Variants in KATNIP observed in about 807,000 individuals in gnomAD.
The protein encoded by KATNIP is katanin interacting protein.
Under a neutral mutation model 174.0 loss-of-function variants are expected in KATNIP, and 126 were observed. The observed-to-expected ratio is 0.72, with a 90% CI of 0.63 to 0.84. The LOEUF (loss-of-function observed/expected upper bound fraction) is 0.84, where lower values mean the gene tolerates loss of function less well. KATNIP is among the 40% of genes least tolerant of loss of function. KATNIP has a pLI of 0.00. For synonymous variants in KATNIP, 810 were observed against 835.7 expected (o/e 0.97, Z 0.53); for missense variants, 1,958 against 2,109.7 (o/e 0.93, Z 1.41).
intron 20 of KATNIP, 93 bp downstream of exon 20, chr16:27,766,567 T>C: frequency 7.5e-7 from 1 of 1,338,880 alleles, no homozygotes; most frequent in East Asian, 2.4e-5. Context: ...GGAGCATAAA[T>C]CCTCCAGAAT....
chr16:27,778,273 G>A (rs760638414), intron 27 of KATNIP, among the ~76,000 whole-genome samples: 1 of 152,220 alleles, frequency 6.6e-6, no homozygotes, highest in Non-Finnish European at 1.5e-5. Context: ...GCCCCGGGCC[G>A]TGGGAAACCA....
At chr16:27,556,470 A>G (rs1047565892) in intron 1 of KATNIP, among the ~76,000 whole-genome samples, 1 of 152,218 alleles carries the variant, frequency 6.6e-6, no homozygotes, top group South Asian at 2.1e-4. Flanking sequence ...AGTTCAGCAC[A>G]TTGATATAAT....
intron 1 of KATNIP, among the ~76,000 whole-genome samples, chr16:27,555,606 A>G (rs2089588360): frequency 6.7e-6 from 1 of 149,982 alleles, no homozygotes; most frequent in Non-Finnish European, 1.5e-5. Context: ...AGGCCGAGGC[A>G]GGCAGATCAC....
At chr16:27,767,697 C>G (rs1342805122) in intron 20 of KATNIP, among the ~76,000 whole-genome samples, 3 of 152,142 alleles carry the variant, frequency 2.0e-5, no homozygotes, top group African/African-American at 7.2e-5. Flanking sequence ...GGTGACAGAG[C>G]AAGACACCAT....
rs1168898085 is a variant in KATNIP, at chr16:27,780,325, A to C, written c.*1696A>C. 1 of 152,124 alleles carries C rather than the reference A, an allele frequency of 6.6e-6. No individual in the cohort carries two copies. The highest frequency in any genetic ancestry group is 2.4e-5 in the African/African-American group (1 of 41,440). The allele number at this position is 152,124 out of a possible 1,614,324, so 9.4% of individuals were successfully genotyped here. ...AGCTTTAACTCTAAAATAAATTTCT[A>C]TTTTTTTCCTCTTGCAAAATTAATA... On this transcript the variant is annotated 3_prime_UTR_variant, in exon 28 of 28. Coordinates refer to ENST00000261588, the MANE Select transcript of KATNIP (RefSeq NM_015202.5).
rs915369536 is a variant in KATNIP, at chr16:27,704,131, CT to C, written c.1389+134del. 1.0e-4 allele frequency: 69 copies of C among 680,156 alleles called. No homozygotes were observed. The East Asian group carries it at 1.2e-3, about 12-fold the overall frequency. 42.1% of individuals were successfully genotyped at this position (680,156 alleles called of 1,614,324 possible). A position where few individuals can be genotyped will look rare whatever the true frequency, so the allele number is the denominator to read the frequency against. On this transcript the variant is annotated intron_variant, in intron 12 of 27. Coordinates refer to ENST00000261588, the MANE Select transcript of KATNIP (RefSeq NM_015202.5). ...TGCCTGTGTTTCCACCGCCCCCCCC[CT>C]CCCTGGCACACAGAGGTATATATGA...
At chr16:27,763,999 A>C (rs560160407) in intron 19 of KATNIP, among the ~76,000 whole-genome samples, 23 of 152,356 alleles carry the variant, frequency 1.5e-4, no homozygotes, top group African/African-American at 5.5e-4. Flanking sequence ...CCCTGGGGAC[A>C]TACAGAATAG....
chr16:27,631,125 C>A lies in KATNIP; in HGVS notation c.371C>A (p.Thr124Lys). 2 of 1,576,872 alleles carry A rather than the reference C, an allele frequency of 1.3e-6. No homozygotes were observed. Among genetic ancestry groups the A allele is most frequent in the Non-Finnish European group, 1.7e-6 (2 of 1,160,130 alleles). Residue 124 changes from threonine (T) to lysine (K), a missense_variant, in exon 5 of 28, where the codon ACA becomes AAA. Around this residue, in one of 3 missense-constraint regions of KATNIP, gnomAD observed 1,557 missense variants for 1,617.8 expected, o/e 0.96. Coordinates refer to ENST00000261588, the MANE Select transcript of KATNIP (RefSeq NM_015202.5). ...GAAGCCTTAAGACGCAGTTCACGGA[C>A]AGCCCCCAGTAAAGTCCAGCGCCGA... ...AEEALRRSSRTAPSKVQRRGW... is the reference protein window; with the variant it reads ...AEEALRRSSRKAPSKVQRRGW...
Position 27,778,863 on chromosome 16 carries a change from G to A in KATNIP, c.*234G>A, listed in dbSNP as rs139192159. ...TGCAGTTCTGGGTTGGCCACAGGGA[G>A]CCCAGGACACCCGCCTTCATGCCTC... is the stretch of plus-strand genomic sequence containing the variant. On this transcript the variant is annotated 3_prime_UTR_variant, in exon 28 of 28. Transcript: ENST00000261588. 232 of 470,194 alleles carry A rather than the reference G, an allele frequency of 4.9e-4. 2 individuals are homozygous for A. The highest frequency in any genetic ancestry group is 3.3e-3 in the African/African-American group (163 of 50,090). 29.1% of individuals were successfully genotyped at this position (470,194 alleles called of 1,614,324 possible). A position where few individuals can be genotyped will look rare whatever the true frequency, so the allele number is the denominator to read the frequency against.
chr16:27,598,208 C>T (rs2075399991), intron 2 of KATNIP, among the ~76,000 whole-genome samples: 1 of 150,040 alleles, frequency 6.7e-6, no homozygotes, highest in Non-Finnish European at 1.5e-5. Context: ...GCCACCATTG[C>T]ACTGCAGCCT....
intron 1 of KATNIP, among the ~76,000 whole-genome samples, 170 bp downstream of exon 1, chr16:27,550,347 A>G (rs1023900718): frequency 2.6e-5 from 4 of 152,150 alleles, no homozygotes; most frequent in Non-Finnish European, 5.9e-5. Context: ...CGCGGAGGAG[A>G]GCCTGGGGGA....
intron 16 of KATNIP, among the ~76,000 whole-genome samples, chr16:27,750,565 A>G (rs1404307298): frequency 6.9e-6 from 1 of 144,568 alleles, no homozygotes; most frequent in East Asian, 2.0e-4. Flanking sequence ...GACTACAGGC[A>G]CCCGCCAACA....
At chr16:27,670,622 T>C (rs2077861838) in intron 6 of KATNIP, among the ~76,000 whole-genome samples, 1 of 152,212 alleles carries the variant, frequency 6.6e-6, no homozygotes, top group Non-Finnish European at 1.5e-5. Flanking sequence ...CGAGTGCTGC[T>C]GTTTGTCATT....
chr16:27,598,542 G>T (rs1167977657), intron 2 of KATNIP, among the ~76,000 whole-genome samples: 5 of 152,108 alleles, frequency 3.3e-5, no homozygotes, highest in Admixed American at 2.6e-4. Context: ...TTAAAATTGG[G>T]GCCTGTGACC....
chr16:27,775,143 C>G, intron 24 of KATNIP, 59 bp downstream of exon 24: 1 of 1,564,770 alleles, frequency 6.4e-7, no homozygotes, highest in Non-Finnish European at 8.6e-7. Context: ...GGGGGACTTT[C>G]TTTCCCTGGT....
chr16:27,738,303 G>A (rs1330960399), intron 14 of KATNIP, among the ~76,000 whole-genome samples: 1 of 152,128 alleles, frequency 6.6e-6, no homozygotes, highest in African/African-American at 2.4e-5. Flanking sequence ...GGTTACCAAG[G>A]GGCACGAGGA....
chr16:27,654,131 A>G (rs2077196960), intron 6 of KATNIP, among the ~76,000 whole-genome samples: 1 of 152,086 alleles, frequency 6.6e-6, no homozygotes, highest in African/African-American at 2.4e-5. Context: ...ACGTGCCAAC[A>G]CACCTGGCTA....
rs777854239 is a variant in KATNIP, at chr16:27,740,577, C to T, written c.2280C>T (p.Thr760=). 22 of 1,614,180 alleles carry T rather than the reference C, an allele frequency of 1.4e-5. No homozygotes were observed. Among genetic ancestry groups the T allele is most frequent in the South Asian group, 8.8e-5 (8 of 91,076 alleles). The part of the protein sequence containing the change: ...KTPSWLQPSP[T]GKDRKQGGRK... The stretch of plus-strand genomic sequence containing the variant: ...CATCCTGGTTACAACCTTCTCCCAC[C>T]GGCAAGGACAGGAAGCAGGGAGGCA... Residue 760 remains threonine, a synonymous_variant, in exon 15 of 28, where the codon ACC becomes ACT. Transcript: ENST00000261588.
intron 14 of KATNIP, among the ~76,000 whole-genome samples, chr16:27,731,569 A>T (rs1314065795): frequency 6.6e-6 from 1 of 152,028 alleles, no homozygotes; most frequent in African/African-American, 2.4e-5. Context: ...TGACGATCAC[A>T]TGACTACCAG....
Sources: allele counts gnomAD v4.1 joint callset (sites outside exome capture counted in the v4.1 genomes callset), GRCh38; gene constraint gnomAD v4.1.1; regional missense constraint gnomAD v4.1.1; transcripts MANE v1.5; gene names NCBI Gene and HGNC (gene_info 2026-07-23, HGNC 2026-07-21).